Variants in DMD observed in about 807,000 individuals in gnomAD.
DMD encodes dystrophin, also known as mutant dystrophin.
A neutral mutation model predicts 330.1 loss-of-function variants in DMD; 63 were observed. The observed-to-expected ratio is 0.19, with a 90% confidence interval of 0.16 to 0.24. The LOEUF is 0.24. Among genes scored for constraint, DMD ranks in the 10% least tolerant of loss-of-function variants. The pLI, the probability that DMD is intolerant of heterozygous loss-of-function variation, is 1.00. For missense variants in DMD, 3,344 were observed against 2,684.1 expected, an observed-to-expected ratio of 1.25 and a Z score of -5.43; for synonymous variants, 1,223 against 959.8, an observed-to-expected ratio of 1.27 and a Z score of -5.07.
Position 32,104,887 on chromosome X carries a change from T to G in DMD, c.6438+112029A>C, listed in dbSNP as rs1306915098. 3.6e-5 allele frequency among the ~76,000 whole-genome samples: 4 copies of G among 111,618 alleles called. No homozygotes were observed. The Admixed American group carries it at 3.8e-4, about 11-fold the overall frequency. On this transcript the variant is annotated intron_variant, in intron 44 of 78. Transcript: ENST00000357033. Reference sequence around the variant, plus strand: ...AGAGCTCCTAGGAAACTTCTAGAAATTGTTCTATAATTGCTGCATTCTTGA... The same window carrying G: ...AGAGCTCCTAGGAAACTTCTAGAAAGTGTTCTATAATTGCTGCATTCTTGA...
intron 1 of DMD, among the ~76,000 whole-genome samples, chrX:33,306,104 C>T (rs1485809757): frequency 4.5e-5 from 5 of 111,609 alleles, no homozygotes; most frequent in African/African-American, 1.3e-4. Context: ...AGCTGTAAGG[C>T]ATGACATGAA....
rs753567380 is a variant in DMD, at chrX:32,529,373, A to C, written c.2169-11242T>G. Among the ~76,000 whole-genome samples the C allele has an allele frequency of 1.2e-4, 11 of 90,616 alleles. No homozygotes were observed. The South Asian group carries it at 6.5e-3, about 54-fold the overall frequency. 78.7% of individuals were successfully genotyped at this position (90,616 alleles called of 115,157 possible). ...GGCGCGCGAATTCCACCTTGGCAAA[A>C]ATCAACTTTTTTTTTTTTTTTTTTT... On this transcript the variant is annotated intron_variant, in intron 17 of 78. Coordinates refer to ENST00000357033, the MANE Select transcript of DMD (RefSeq NM_004006.3).
chrX:32,862,549 C>A (rs1015148865), intron 2 of DMD, among the ~76,000 whole-genome samples: 13 of 111,060 alleles, frequency 1.2e-4, no homozygotes, highest in Non-Finnish European at 2.3e-4. Context: ...TAAGTTAGGT[C>A]AGTACTCATT....
chrX:32,110,449 AGT>A (rs1274110548), intron 44 of DMD, among the ~76,000 whole-genome samples: 1 of 111,992 alleles, frequency 8.9e-6, no homozygotes, highest in Non-Finnish European at 1.9e-5. Flanking sequence ...ATCATGCAAC[AGT>A]GTGTGATAGT....
At chrX:31,379,244 G>C (rs1011699901) in intron 60 of DMD, among the ~76,000 whole-genome samples, 4 of 110,265 alleles carry the variant, frequency 3.6e-5, no homozygotes, top group Non-Finnish European at 5.7e-5. Flanking sequence ...TATCACCTCC[G>C]CTCCTCACAC....
At chrX:31,684,844 T>C (rs992425408) in intron 52 of DMD, among the ~76,000 whole-genome samples, 2 of 112,086 alleles carry the variant, frequency 1.8e-5, no homozygotes, top group Non-Finnish European at 3.8e-5. Flanking sequence ...CACTGATCAA[T>C]ACATTTTGTC....
chrX:32,004,401 T>C lies in DMD; in HGVS notation c.6439-35887A>G, dbSNP rs747521227. On this transcript the variant is annotated intron_variant, in intron 44 of 78. Transcript: ENST00000357033. ...TTTATAATAACAGTATGTCTTTTAATAAATTACAGAGTGAATAGTTTACCA... is the reference window on the plus strand; with the variant it reads ...TTTATAATAACAGTATGTCTTTTAACAAATTACAGAGTGAATAGTTTACCA... Among the ~76,000 whole-genome samples the C allele has an allele frequency of 2.7e-5, 3 of 111,940 alleles. No individual in the cohort carries two copies. In the Admixed American group the frequency reaches 2.9e-4, roughly 11 times the overall value.
At chrX:31,493,872 T>A (rs2069559031) in intron 57 of DMD, among the ~76,000 whole-genome samples, 1 of 111,271 alleles carries the variant, frequency 9.0e-6, no homozygotes, top group African/African-American at 3.3e-5. Flanking sequence ...ATTTTGAAGG[T>A]AAATTGGCCA....
chrX:32,094,567 C>T (rs1264158122), intron 44 of DMD, among the ~76,000 whole-genome samples: 1 of 110,833 alleles, frequency 9.0e-6, no homozygotes, highest in Non-Finnish European at 1.9e-5. Flanking sequence ...ATTTTAGATA[C>T]ACATCTCTTC....
rs192527109 is a variant in DMD, at chrX:31,573,917, C to T, written c.8217+53756G>A. Among the ~76,000 whole-genome samples the T allele has an allele frequency of 1.1e-4, 12 of 110,574 alleles. No homozygotes were observed. The East Asian group carries it at 1.4e-3, about 13-fold the overall frequency. On this transcript the variant is annotated intron_variant, in intron 55 of 78. Coordinates refer to ENST00000357033, the MANE Select transcript of DMD (RefSeq NM_004006.3). ...CAAGCCTTCACAATATGCAGGGCACCGTACTAAGTGCTTTATATAAGTTTT... is the reference window on the plus strand; with the variant it reads ...CAAGCCTTCACAATATGCAGGGCACTGTACTAAGTGCTTTATATAAGTTTT...
chrX:33,148,204 G>A (rs2048117564), intron 1 of DMD, among the ~76,000 whole-genome samples: 1 of 112,268 alleles, frequency 8.9e-6, no homozygotes. Context: ...AGAAGCAATT[G>A]CCTTTACTGA....
intron 60 of DMD, among the ~76,000 whole-genome samples, chrX:31,372,820 C>T (rs2059664533): frequency 9.0e-6 from 1 of 110,972 alleles, no homozygotes; most frequent in African/African-American, 3.3e-5. Context: ...AAGTTCTGGC[C>T]AGGGCAATCA....
At chrX:32,809,360 A>G in intron 7 of DMD, 133 bp downstream of exon 7, 1 of 548,160 alleles carries the variant, frequency 1.8e-6, no homozygotes, top group South Asian at 2.5e-5. Context: ...AAGGCTGAAC[A>G]TTTTAAATAT....
chrX:32,739,057 T>C (rs778228136), intron 7 of DMD, among the ~76,000 whole-genome samples: 1 of 112,146 alleles, frequency 8.9e-6, no homozygotes, highest in African/African-American at 3.2e-5. Context: ...ACTTGCCAAG[T>C]CCTGCACTAA....
chrX:32,255,797 T>C (rs147056932), intron 43 of DMD, among the ~76,000 whole-genome samples: 2,810 of 111,976 alleles, frequency 0.025, 94 homozygotes, highest in African/African-American at 0.086. Flanking sequence ...GTTATTTTAC[T>C]TCTTTATATG....
At chrX:31,147,599 C>A (rs973244043) in intron 74 of DMD, 81 bp from the exon 75 acceptor site, 26 of 751,350 alleles carry the variant, frequency 3.5e-5, no homozygotes, top group Non-Finnish European at 5.0e-5. Context: ...AATATCATCA[C>A]CAAATTTTAT....
chrX:32,216,794 A>G (rs2097113754), intron 44 of DMD, 122 bp downstream of exon 44: 1 of 616,087 alleles, frequency 1.6e-6, no homozygotes, highest in South Asian at 2.6e-5. Context: ...TAGTAATATA[A>G]TGATGACAAC....
chrX:33,160,490 G>A (rs762439683), intron 1 of DMD, among the ~76,000 whole-genome samples: 2 of 111,644 alleles, frequency 1.8e-5, no homozygotes, highest in South Asian at 3.7e-4. Flanking sequence ...CTTCTCAGCC[G>A]AGCATGCCTG....
At chrX:33,227,131 T>C (rs1323349650) in intron 1 of DMD, among the ~76,000 whole-genome samples, 1 of 110,949 alleles carries the variant, frequency 9.0e-6, no homozygotes, top group Non-Finnish European at 1.9e-5. Context: ...CATTGTGTTA[T>C]TGTTAATACT....
Sources: allele counts gnomAD v4.1 joint callset (sites outside exome capture counted in the v4.1 genomes callset), GRCh38; gene constraint gnomAD v4.1.1; transcripts MANE v1.5; gene names NCBI Gene and HGNC (gene_info 2026-07-23, HGNC 2026-07-21).